The following IQGAP2 variants were observed in gnomAD, a reference collection of about 807,000 sequenced individuals.
The protein encoded by IQGAP2 is ras GTPase-activating-like protein IQGAP2.
A neutral mutation model predicts 201.3 loss-of-function variants in IQGAP2; 173 were observed. The observed-to-expected ratio is 0.86, with a 90% CI of 0.76 to 0.98. The LOEUF is 0.98. Ranked by LOEUF, IQGAP2 falls within the 50% of genes least tolerant of loss-of-function variation. IQGAP2 has a pLI of 0.00. For missense variants in IQGAP2, 1,687 were observed against 1,864.8 expected, an observed-to-expected ratio of 0.90 and a Z score of 1.76; for synonymous variants, 675 against 673.9, an observed-to-expected ratio of 1.00 and a Z score of -0.03.
rs1176915998 is a variant in IQGAP2 at position 76,403,545 on chromosome 5, G to C, written c.-1G>C. 2 of 1,524,654 alleles carry C rather than the reference G, an allele frequency of 1.3e-6. No individual in the cohort carries two copies. The highest frequency in any genetic ancestry group is 1.7e-6 in the Non-Finnish European group (2 of 1,142,966). The allele number at this position is 1,524,654 out of a possible 1,614,324, so 94.4% of individuals were successfully genotyped here. On this transcript the variant is annotated 5_prime_UTR_variant, in exon 1 of 36. Transcript: ENST00000274364. The surrounding 1 kb of genome is among the most constrained non-coding windows in gnomAD (Gnocchi z 4.8). ...CGGGCGGGCCCCCGGAGACGCGCAGGATGCCACACGAAGAGCTGCCGTCGC... is the reference window on the plus strand; with the variant it reads ...CGGGCGGGCCCCCGGAGACGCGCAGCATGCCACACGAAGAGCTGCCGTCGC...
chr5:76,667,877 C>CTTTTTTTTTTTTTTTTTTTTTTTTTTT (rs540744402), intron 22 of IQGAP2, among the ~76,000 whole-genome samples: 11 of 123,424 alleles, frequency 8.9e-5, no homozygotes, highest in African/African-American at 3.1e-4. Flanking sequence ...AGTCCACTTT[C>CTTTTTTTTTTTTTTTTTTTTTTTTTTT]TTTTTTTTTT....
intron 16 of IQGAP2, among the ~76,000 whole-genome samples, chr5:76,637,948 A>G (rs1323533421): frequency 1.3e-5 from 2 of 152,208 alleles, no homozygotes; most frequent in Admixed American, 6.5e-5. Flanking sequence ...TCTGTGACCC[A>G]TATTTGAAAG....
At position 76,692,072 on chromosome 5, in the gene IQGAP2, A is replaced by G. The variant is rs148150332; in HGVS notation, c.3906-1283A>G. 2.6e-3 allele frequency among the ~76,000 whole-genome samples: 401 copies of G among 152,352 alleles called. 2 individuals carry two copies. Among genetic ancestry groups the G allele is most frequent in the African/African-American group, 9.1e-3 (377 of 41,580 alleles). ...AGTAAAAGTGAAACTTCAGATGTCAATTAGACCAGTGTATGTATAATTTAA... is the reference window on the plus strand; with the variant it reads ...AGTAAAAGTGAAACTTCAGATGTCAGTTAGACCAGTGTATGTATAATTTAA... On this transcript the variant is annotated intron_variant, in intron 30 of 35. Coordinates refer to ENST00000274364, the MANE Select transcript of IQGAP2 (RefSeq NM_006633.5).
intron 17 of IQGAP2, among the ~76,000 whole-genome samples, chr5:76,646,730 C>T (rs1177772197): frequency 6.6e-6 from 1 of 152,020 alleles, no homozygotes; most frequent in East Asian, 1.9e-4. Context: ...TTTTTGAGGG[C>T]AATTGGCATC....
intron 2 of IQGAP2, among the ~76,000 whole-genome samples, chr5:76,548,332 C>T (rs1462989856): frequency 6.6e-6 from 1 of 152,228 alleles, no homozygotes; most frequent in Non-Finnish European, 1.5e-5. Flanking sequence ...CCTCTTCAGC[C>T]AGTCCTGAAG....
chr5:76,706,702 A>T (rs529391873), intron 35 of IQGAP2, among the ~76,000 whole-genome samples: 63 of 152,310 alleles, frequency 4.1e-4, no homozygotes, highest in African/African-American at 1.5e-3. Context: ...GTGTTTTAAC[A>T]TTTTCGATTA....
At chr5:76,463,123 T>TAAAA (rs5868826) in intron 2 of IQGAP2, among the ~76,000 whole-genome samples, 2 of 105,708 alleles carry the variant, frequency 1.9e-5, no homozygotes, top group African/African-American at 3.6e-5. Context: ...ACGCTGTCTT[T>TAAAA]AAAAAAAAAA....
chr5:76,704,278 T>C (rs1035824235), intron 35 of IQGAP2, among the ~76,000 whole-genome samples: 4 of 152,160 alleles, frequency 2.6e-5, no homozygotes, highest in African/African-American at 7.2e-5. Context: ...GCAAAAGACA[T>C]ATGTGATTGC....
intron 4 of IQGAP2, among the ~76,000 whole-genome samples, chr5:76,571,688 A>G (rs1745128354): frequency 6.6e-6 from 1 of 152,248 alleles, no homozygotes; most frequent in Non-Finnish European, 1.5e-5. Context: ...TAAAAATTGT[A>G]GAACTATTTT....
At chr5:76,615,824 A>T (rs878963131) in intron 13 of IQGAP2, 1 of 152,666 alleles carries the variant, frequency 6.6e-6, no homozygotes, top group African/African-American at 2.4e-5. Flanking sequence ...TAGTGGAGGC[A>T]TTATTTAAAA....
intron 2 of IQGAP2, among the ~76,000 whole-genome samples, chr5:76,550,649 T>A (rs1178062919): frequency 6.6e-6 from 1 of 152,186 alleles, no homozygotes; most frequent in African/African-American, 2.4e-5. Context: ...AGCACATGTT[T>A]CAGAGAGCAC....
chr5:76,416,658 G>A (rs6876126), intron 1 of IQGAP2, among the ~76,000 whole-genome samples: 1 of 151,992 alleles, frequency 6.6e-6, no homozygotes, highest in African/African-American at 2.4e-5. Context: ...CTCCCAAGTA[G>A]CTGGGACTAC....
At chr5:76,413,394 C>G (rs1751243435) in intron 1 of IQGAP2, among the ~76,000 whole-genome samples, 1 of 152,090 alleles carries the variant, frequency 6.6e-6, no homozygotes, top group African/African-American at 2.4e-5. Flanking sequence ...CTCTTGAACT[C>G]CTGACCTCAG....
chr5:76,577,625 CAGCTT>C (rs1484079010), intron 5 of IQGAP2, among the ~76,000 whole-genome samples: 2 of 152,158 alleles, frequency 1.3e-5, no homozygotes, highest in Admixed American at 1.3e-4. Context: ...GTGTATCTTG[CAGCTT>C]TTTCCACCAA....
chr5:76,695,273 A>G (rs1190210148), intron 31 of IQGAP2, among the ~76,000 whole-genome samples, 181 bp from the exon 32 acceptor site: 1 of 152,244 alleles, frequency 6.6e-6, no homozygotes, highest in Non-Finnish European at 1.5e-5. Flanking sequence ...GCTATCGAAA[A>G]GATGAAGTAA....
chr5:76,548,268 A>G (rs976595899), intron 2 of IQGAP2, among the ~76,000 whole-genome samples: 2 of 152,184 alleles, frequency 1.3e-5, no homozygotes, highest in African/African-American at 4.8e-5. Flanking sequence ...TTGGAGATCC[A>G]AGGTCCAGTG....
At chr5:76,462,702 C>G (rs1013506792) in intron 2 of IQGAP2, among the ~76,000 whole-genome samples, 10 of 152,150 alleles carry the variant, frequency 6.6e-5, no homozygotes, top group African/African-American at 2.2e-4. Flanking sequence ...TGGCTATCTA[C>G]AGAACTAGAA....
At chr5:76,428,420 G>T (rs954002836) in intron 1 of IQGAP2, among the ~76,000 whole-genome samples, 1 of 151,190 alleles carries the variant, frequency 6.6e-6, no homozygotes, top group Non-Finnish European at 1.5e-5. Flanking sequence ...CCAGGAGTTT[G>T]CTTTGAATCC....
At chr5:76,660,055 G>C (rs1273408695) in intron 21 of IQGAP2, 1 of 152,100 alleles carries the variant, frequency 6.6e-6, no homozygotes, top group African/African-American at 2.4e-5. Context: ...GGTCAAAGAG[G>C]GAAACTGATC....
Sources: gnomAD v4.1 joint callset for allele counts (sites outside exome capture counted in the v4.1 genomes callset) on GRCh38, gnomAD v4.1.1 for gene constraint, Gnocchi (gnomAD v3.1) non-coding constraint, MANE v1.5 for transcripts, NCBI Gene and HGNC (gene_info 2026-07-23, HGNC 2026-07-21) for gene names.